CERS3: variants seen among roughly 807,000 people sequenced by gnomAD.
The protein encoded by CERS3 is LAG1 homolog, ceramide synthase 3.
A neutral mutation model predicts 50.3 loss-of-function variants in CERS3; 33 were observed. The ratio of observed to expected loss-of-function variants is 0.66; its 90% CI spans 0.50 to 0.88. The LOEUF is 0.88. Ranked by LOEUF, CERS3 falls within the 40% of genes least tolerant of loss-of-function variation. The pLI is 0.00. For missense variants in CERS3, 470 were observed against 460.3 expected (o/e 1.02, Z -0.19); for synonymous variants, 176 against 155.2 (o/e 1.13, Z -0.99).
chr15:100,506,441 C>G (rs1232953898), intron 2 of CERS3, among the ~76,000 whole-genome samples: 1 of 145,042 alleles, frequency 6.9e-6, no homozygotes, highest in Non-Finnish European at 1.5e-5. Context: ...CAAGTGCTGA[C>G]GGGGTGTGAA....
chr15:100,510,178 T>C (rs774601103), intron 2 of CERS3, among the ~76,000 whole-genome samples: 5 of 152,082 alleles, frequency 3.3e-5, no homozygotes, highest in Non-Finnish European at 7.4e-5. Flanking sequence ...AAGAAGACAA[T>C]GCAAATGATA....
rs2142037267 is a variant in CERS3, at chr15:100,402,860, G to T, written c.1005C>A (p.Ile335=). 6.3e-7 allele frequency: 1 copy of T among 1,592,220 alleles called. No homozygotes were observed. Among genetic ancestry groups the T allele is most frequent in the African/African-American group, 1.3e-5 (1 of 74,680 alleles). ...CCTCGTCATCACTCCTCACATCCTG[G>T]ATGCTCTAGACAAAGGAAAGAATTG... ...MLNRCIFMKS[I]QDVRSDDEDY... The change falls in exon 12 of 12, where the codon ATC becomes ATA. Residue 335 remains isoleucine (I), a synonymous_variant. Coordinates refer to ENST00000679737, the MANE Select transcript of CERS3 (RefSeq NM_001378789.1).
chr15:100,533,883 T>G (rs2037007272), upstream of CERS3, among the ~76,000 whole-genome samples: 1 of 152,190 alleles, frequency 6.6e-6, no homozygotes, highest in African/African-American at 2.4e-5. Context: ...AAACTTGAAG[T>G]CAGTATGCTG....
intron 11 of CERS3, among the ~76,000 whole-genome samples, chr15:100,417,131 C>T (rs907052572): frequency 1.9e-4 from 29 of 152,126 alleles, no homozygotes; most frequent in African/African-American, 2.7e-4. Context: ...GCGTGAGCGA[C>T]GCAGAAGATG....
chr15:100,420,781 C>T (rs1453610463), intron 11 of CERS3, among the ~76,000 whole-genome samples: 17 of 151,958 alleles, frequency 1.1e-4, no homozygotes, highest in Non-Finnish European at 1.6e-4. Context: ...GTTCAATATA[C>T]GCAAATCAAT....
chr15:100,439,882 A>G (rs548073676), intron 11 of CERS3, among the ~76,000 whole-genome samples: 8 of 152,326 alleles, frequency 5.3e-5, no homozygotes, highest in Non-Finnish European at 8.8e-5. Flanking sequence ...CAGCTTCTCC[A>G]AAGGACAACA....
chr15:100,498,660 C>T (rs76308251), intron 3 of CERS3, among the ~76,000 whole-genome samples: 1,685 of 152,298 alleles, frequency 0.011, 54 homozygotes, highest in Admixed American at 0.062. Context: ...CTTTGTCTAG[C>T]ACCCCATCAG....
chr15:100,491,635 C>T (rs1319497827), intron 3 of CERS3, among the ~76,000 whole-genome samples: 2 of 152,068 alleles, frequency 1.3e-5, no homozygotes, highest in African/African-American at 4.8e-5. Context: ...TTTTCTAGTC[C>T]GTTAAGGTGG....
At chr15:100,454,172 C>T (rs1263664030) in intron 11 of CERS3, among the ~76,000 whole-genome samples, 1 of 152,136 alleles carries the variant, frequency 6.6e-6, no homozygotes, top group Non-Finnish European at 1.5e-5. Flanking sequence ...AAGAGAATCG[C>T]TTGACCCCAA....
chr15:100,541,751 T>A (rs2037207618), intron 1 of CERS3, among the ~76,000 whole-genome samples: 5 of 152,084 alleles, frequency 3.3e-5, no homozygotes, highest in Admixed American at 3.3e-4. Flanking sequence ...AAAAATGGAA[T>A]AAAAATTAAA....
At chr15:100,538,226 T>C (rs1327542238) in intron 1 of CERS3, among the ~76,000 whole-genome samples, 1 of 152,190 alleles carries the variant, frequency 6.6e-6, no homozygotes, top group Admixed American at 6.5e-5. Context: ...TTGTGGCTTT[T>C]CCAGGAGCAC....
intron 8 of CERS3, 37 bp downstream of exon 8, chr15:100,476,049 G>C (rs369565004): frequency 1.4e-6 from 2 of 1,422,114 alleles, no homozygotes; most frequent in Non-Finnish European, 9.5e-7. Flanking sequence ...AATTTTTGAA[G>C]AAATTGATAA....
chr15:100,470,442 C>G (rs1261335810), intron 9 of CERS3, among the ~76,000 whole-genome samples: 1 of 152,130 alleles, frequency 6.6e-6, no homozygotes, highest in Non-Finnish European at 1.5e-5. Flanking sequence ...CAGAGAACAG[C>G]TTCAGTTGCT....
At chr15:100,450,372 C>T (rs1157588308) in intron 11 of CERS3, among the ~76,000 whole-genome samples, 6 of 136,016 alleles carry the variant, frequency 4.4e-5, no homozygotes, top group Admixed American at 2.4e-4. Context: ...GAGCCAAGAT[C>T]GTGCCACTGC....
At position 100,472,975 on chromosome 15, in the gene CERS3, G is replaced by A. The variant is rs764611319; in HGVS notation, c.687C>T (p.Arg229=). The part of the protein sequence containing the change: ...MSFSWCANYI[R]SGTLVMIVHD... ...GTACAATCATCACGAGGGTCCCACT[G>A]CGAATATAATTAGCACACCAAGAGA... The change falls in exon 9 of 12, where the codon CGC becomes CGT. Residue 229 remains arginine, a synonymous_variant. Transcript: ENST00000679737. The A allele has an allele frequency of 1.9e-6, 3 of 1,613,980 alleles. No individual in the cohort carries two copies. Among genetic ancestry groups the A allele is most frequent in the South Asian group, 1.1e-5 (1 of 91,078 alleles).
chr15:100,441,266 C>T (rs1279276261), intron 11 of CERS3, among the ~76,000 whole-genome samples: 1 of 151,822 alleles, frequency 6.6e-6, no homozygotes, highest in Non-Finnish European at 1.5e-5. Flanking sequence ...TTTCCATGCC[C>T]CAACCCCTTA....
At chr15:100,495,267 T>G (rs1401334726) in intron 3 of CERS3, among the ~76,000 whole-genome samples, 1 of 152,222 alleles carries the variant, frequency 6.6e-6, no homozygotes, top group Non-Finnish European at 1.5e-5. Context: ...TATCCAGAGA[T>G]GGAGAGGGCA....
chr15:100,424,955 G>T (rs1376087066), intron 11 of CERS3, among the ~76,000 whole-genome samples: 2 of 152,148 alleles, frequency 1.3e-5, no homozygotes, highest in South Asian at 4.1e-4. Context: ...TGGCTAAAAG[G>T]GCCCCAGATA....
At chr15:100,463,127 A>T in intron 10 of CERS3, among the ~76,000 whole-genome samples, 1 of 152,208 alleles carries the variant, frequency 6.6e-6, no homozygotes, top group East Asian at 1.9e-4. Context: ...ACTGGTAAAC[A>T]GTATATCTAG....
Sources: gnomAD v4.1 joint callset for allele counts (sites outside exome capture counted in the v4.1 genomes callset) on GRCh38, gnomAD v4.1.1 for gene constraint, MANE v1.5 for transcripts, NCBI Gene and HGNC (gene_info 2026-07-23, HGNC 2026-07-21) for gene names.